The following DCDC2C variants were observed in gnomAD, a reference collection of about 807,000 sequenced individuals.
DCDC2C encodes doublecortin domain-containing protein 2C.
A neutral mutation model predicts 45.0 loss-of-function variants in DCDC2C; 44 were observed. The observed-to-expected ratio is 0.98, with a 90% CI of 0.77 to 1.26. The LOEUF is 1.26. Among genes scored for constraint, DCDC2C ranks in the 50% most tolerant of loss-of-function variants. The pLI, the probability that DCDC2C is intolerant of heterozygous loss-of-function variation, is 0.00. For missense variants in DCDC2C, 447 were observed against 468.9 expected, an observed-to-expected ratio of 0.95 and a Z score of 0.43; for synonymous variants, 187 against 178.8, an observed-to-expected ratio of 1.05 and a Z score of -0.37.
chr2:3,716,606 C>G (rs1215529945), intron 2 of DCDC2C, among the ~76,000 whole-genome samples: 1 of 151,996 alleles, frequency 6.6e-6, no homozygotes, highest in Non-Finnish European at 1.5e-5. Flanking sequence ...GAGAGTTTTT[C>G]TAAGAAGTGA....
At position 3,761,326 on chromosome 2, in the gene DCDC2C, C is replaced by T. The variant is rs1669876222; in HGVS notation, c.727-6428C>T. Reference sequence around the variant, plus strand: ...CTTCTGGGCATAGAGCACAAGTGTTCGTAGTGAACGGTAATGAAAAGGAGA... The same window carrying T: ...CTTCTGGGCATAGAGCACAAGTGTTTGTAGTGAACGGTAATGAAAAGGAGA... On this transcript the variant is annotated intron_variant, in intron 6 of 10. Transcript: ENST00000399143. The surrounding 1 kb of genome is among the most constrained non-coding windows in gnomAD (Gnocchi z 4.3). Among the ~76,000 whole-genome samples, 1 of 152,060 alleles carries T rather than the reference C, an allele frequency of 6.6e-6. No individual in the cohort carries two copies. The highest frequency in any genetic ancestry group is 2.4e-5 in the African/African-American group (1 of 41,406).
intron 10 of DCDC2C, among the ~76,000 whole-genome samples, chr2:3,828,677 C>T (rs1053878885): frequency 1.3e-5 from 2 of 152,184 alleles, no homozygotes; most frequent in African/African-American, 4.8e-5. Flanking sequence ...AAACATGTTG[C>T]CTTTCCTGCT....
intron 10 of DCDC2C, 87 bp from the exon 11 acceptor site, chr2:3,847,067 C>A: frequency 1.3e-6 from 1 of 757,908 alleles, no homozygotes; most frequent in Non-Finnish European, 1.7e-6. Flanking sequence ...AACAGAAATG[C>A]AAGCTCCTGA....
chr2:3,739,358 C>G (rs958699294), intron 3 of DCDC2C, among the ~76,000 whole-genome samples: 2 of 151,532 alleles, frequency 1.3e-5, no homozygotes, highest in East Asian at 2.0e-4. Flanking sequence ...ATTTTTGTTT[C>G]CCTGCCCAAA....
Position 3,708,706 on chromosome 2 carries a change from C to T in DCDC2C, c.339+106C>T, listed in dbSNP as rs184678182. ...GAAGTTTCACAGAAGCAGTAAATGC[C>T]TGCAGAGATGTGTTGCTCTTGAAGC... On this transcript the variant is annotated intron_variant, in intron 2 of 10. Coordinates refer to ENST00000399143, the MANE Select transcript of DCDC2C (RefSeq NM_001287444.2). 8.3e-4 allele frequency: 680 copies of T among 823,010 alleles called. 1 individual carries two copies. The highest frequency in any genetic ancestry group is 1.2e-3 in the Non-Finnish European group (601 of 507,994). The allele number at this position is 823,010 out of a possible 1,614,324, so 51.0% of individuals were successfully genotyped here.
In DCDC2C at chr2:3,773,186, A is replaced by G. The variant is rs185985675; in HGVS notation, c.954+3775A>G. Among the ~76,000 whole-genome samples the G allele has an allele frequency of 1.1e-3, 161 of 152,184 alleles. 2 individuals carry two copies. The highest frequency in any genetic ancestry group is 3.6e-3 in the African/African-American group (151 of 41,584). On this transcript the variant is annotated intron_variant, in intron 8 of 10. Transcript: ENST00000399143. The stretch of plus-strand genomic sequence containing the variant: ...AAGCTGTGGGGCGTGGCCGGCTGTC[A>G]GAGAGAAGGCGATTCACTGGTGGTT...
intron 6 of DCDC2C, among the ~76,000 whole-genome samples, chr2:3,755,896 A>G (rs2148131958): frequency 6.6e-6 from 1 of 152,232 alleles, no homozygotes; most frequent in East Asian, 1.9e-4. Flanking sequence ...ATATGAATAC[A>G]TGTGTATGTA....
At chr2:3,838,329 C>T (rs1244439768) in intron 10 of DCDC2C, among the ~76,000 whole-genome samples, 2 of 151,970 alleles carry the variant, frequency 1.3e-5, no homozygotes, top group African/African-American at 4.8e-5. Flanking sequence ...CTGGTAATCG[C>T]AGGGTCTAGG....
chr2:3,785,851 G>C (rs1339232867), intron 10 of DCDC2C, among the ~76,000 whole-genome samples: 1 of 152,146 alleles, frequency 6.6e-6, no homozygotes, highest in African/African-American at 2.4e-5. Context: ...TGAAGCCAGC[G>C]TCTGCACACC....
intron 10 of DCDC2C, among the ~76,000 whole-genome samples, chr2:3,791,941 A>T (rs1670823353): frequency 6.6e-6 from 1 of 152,252 alleles, no homozygotes; most frequent in Non-Finnish European, 1.5e-5. Context: ...CTCGGTGTTC[A>T]GGGAGCACCC....
intron 8 of DCDC2C, among the ~76,000 whole-genome samples, chr2:3,777,750 G>C (rs910724784): frequency 6.6e-6 from 1 of 152,190 alleles, no homozygotes. Flanking sequence ...ATACCTACAC[G>C]TCTGCCTCGC....
At chr2:3,743,826 G>C (rs1365072598) in intron 4 of DCDC2C, among the ~76,000 whole-genome samples, 2 of 152,200 alleles carry the variant, frequency 1.3e-5, no homozygotes, top group African/African-American at 2.4e-5. Flanking sequence ...CCAGCACTTT[G>C]GGAGGCCGAG....
chr2:3,757,198 C>G (rs1572591930), intron 6 of DCDC2C, among the ~76,000 whole-genome samples: 1 of 152,126 alleles, frequency 6.6e-6, no homozygotes, highest in African/African-American at 2.4e-5. Context: ...GTGTTTGTTT[C>G]TTTACTTGCT....
chr2:3,790,083 A>T (rs183590225), intron 10 of DCDC2C, among the ~76,000 whole-genome samples: 30 of 152,344 alleles, frequency 2.0e-4, no homozygotes, highest in Non-Finnish European at 3.4e-4. Flanking sequence ...GAAATCCACC[A>T]GACTGACGAA....
chr2:3,704,062 G>T, intron 1 of DCDC2C, 24 bp downstream of exon 1: 1 of 1,243,444 alleles, frequency 8.0e-7, no homozygotes, highest in African/African-American at 1.6e-5. Context: ...CGCCCCCCAC[G>T]CGCCCTGCGC....
intron 10 of DCDC2C, among the ~76,000 whole-genome samples, chr2:3,791,210 TAAAAAC>T (rs1031163179): frequency 3.3e-5 from 5 of 152,204 alleles, no homozygotes; most frequent in Non-Finnish European, 7.3e-5. Context: ...GATTTTCACT[TAAAAAC>T]AGAAAAGATG....
At chr2:3,831,542 A>T in intron 10 of DCDC2C, among the ~76,000 whole-genome samples, 1 of 152,232 alleles carries the variant, frequency 6.6e-6, no homozygotes, top group Non-Finnish European at 1.5e-5. Flanking sequence ...ATTTTAAGGA[A>T]CCACCATTGG....
intron 10 of DCDC2C, among the ~76,000 whole-genome samples, chr2:3,827,937 A>C (rs1671866053): frequency 6.6e-6 from 1 of 152,132 alleles, no homozygotes; most frequent in African/African-American, 2.4e-5. Flanking sequence ...TTTTAACTGA[A>C]GGATGCTCTT....
In DCDC2C at chr2:3,837,653, C is replaced by G. The variant is rs1338875151; in HGVS notation, c.1066-9501C>G. ...TCAGCCTTTGGCTCCCCCTTTCTGT[C>G]ACACCTACATACCTAGTCTAGCAAC... On this transcript the variant is annotated intron_variant, in intron 10 of 10. Transcript: ENST00000399143. Among the ~76,000 whole-genome samples, 3 of 32,110 alleles carry G rather than the reference C, an allele frequency of 9.3e-5. 1 individual carries two copies. The highest frequency in any genetic ancestry group is 2.7e-4 in the African/African-American group (3 of 11,206). The allele number at this position is 32,110 out of a possible 152,430, so 21.1% of individuals were successfully genotyped here.
Sources: gnomAD v4.1 joint callset for allele counts (sites outside exome capture counted in the v4.1 genomes callset) on GRCh38, gnomAD v4.1.1 for gene constraint, Gnocchi (gnomAD v3.1) non-coding constraint, MANE v1.5 for transcripts, NCBI Gene and HGNC (gene_info 2026-07-23, HGNC 2026-07-21) for gene names.